The following HSD17B12 variants were observed in gnomAD, a reference collection of about 807,000 sequenced individuals.
HSD17B12 encodes the protein very-long-chain 3-oxoacyl-CoA reductase.
HSD17B12 carries 32 observed loss-of-function variants against 39.3 expected under a neutral mutation model. The ratio of observed to expected loss-of-function variants is 0.81; its 90% CI spans 0.61 to 1.09. HSD17B12 has a LOEUF of 1.09. Among genes scored for constraint, HSD17B12 ranks in the 50% least tolerant of loss-of-function variants. The pLI is 0.00. For synonymous variants in HSD17B12, 150 were observed against 146.7 expected, an observed-to-expected ratio of 1.02 and a Z score of -0.16; for missense variants, 342 against 382.9, an observed-to-expected ratio of 0.89 and a Z score of 0.89.
rs546550462 is a variant in HSD17B12, at chr11:43,725,849, C to T, written c.161-25062C>T. Among the ~76,000 whole-genome samples the T allele has an allele frequency of 2.6e-5, 4 of 152,130 alleles. No individual in the cohort carries two copies. In the South Asian group the frequency reaches 8.3e-4, roughly 32 times the overall value. On this transcript the variant is annotated intron_variant, in intron 1 of 10. Coordinates refer to ENST00000278353, the MANE Select transcript of HSD17B12 (RefSeq NM_016142.3). ...AATGAGGCTAGGTGAGAGAAAGACACAACAGAGGAACAGATATGAGAAAAA... is the reference window on the plus strand; with the variant it reads ...AATGAGGCTAGGTGAGAGAAAGACATAACAGAGGAACAGATATGAGAAAAA...
intron 3 of HSD17B12, among the ~76,000 whole-genome samples, chr11:43,775,996 T>A (rs1463693008): frequency 6.6e-6 from 1 of 152,190 alleles, no homozygotes; most frequent in African/African-American, 2.4e-5. Context: ...ATTTTCTTAA[T>A]CCAGTCTATC....
intron 9 of HSD17B12, among the ~76,000 whole-genome samples, chr11:43,841,301 A>T (rs1216687140): frequency 6.6e-6 from 1 of 152,156 alleles, no homozygotes; most frequent in African/African-American, 2.4e-5. Context: ...TAGATACATG[A>T]TTTGCAAAGA....
At chr11:43,758,295 T>C (rs1950528917) in intron 3 of HSD17B12, among the ~76,000 whole-genome samples, 1 of 152,078 alleles carries the variant, frequency 6.6e-6, no homozygotes, top group African/African-American at 2.4e-5. Flanking sequence ...GTGGTGGGGT[T>C]ATTAGAGGAT....
At chr11:43,847,256 A>C (rs1951485290) in intron 9 of HSD17B12, among the ~76,000 whole-genome samples, 1 of 152,198 alleles carries the variant, frequency 6.6e-6, no homozygotes, top group South Asian at 2.1e-4. Context: ...CCATCCCCTG[A>C]GGTTTTCTTT....
At chr11:43,625,886 G>T in the HSD17B12 span, among the ~76,000 whole-genome samples, 2 of 151,356 alleles carry the variant, frequency 1.3e-5, no homozygotes, top group African/African-American at 4.8e-5. Context: ...ATTTTAATAT[G>T]AAGTATTTTT....
At chr11:43,697,262 A>C (rs1052025667) in intron 1 of HSD17B12, among the ~76,000 whole-genome samples, 1 of 152,156 alleles carries the variant, frequency 6.6e-6, no homozygotes, top group African/African-American at 2.4e-5. Flanking sequence ...AGATCCAAAA[A>C]GTGTTACAGG....
the HSD17B12 span, among the ~76,000 whole-genome samples, chr11:43,580,072 G>GT: frequency 4.0e-5 from 6 of 151,704 alleles, no homozygotes; most frequent in Non-Finnish European, 8.8e-5. Context: ...CTAATGGGGG[G>GT]GGGGAGGGGC....
At chr11:43,752,254 G>T (rs964282889) in intron 2 of HSD17B12, among the ~76,000 whole-genome samples, 14 of 152,140 alleles carry the variant, frequency 9.2e-5, no homozygotes, top group Non-Finnish European at 1.8e-4. Context: ...GGCAAAAGAA[G>T]TCTCATTTTT....
At chr11:43,587,533 C>T in the HSD17B12 span, among the ~76,000 whole-genome samples, 2 of 152,000 alleles carry the variant, frequency 1.3e-5, no homozygotes, top group African/African-American at 4.8e-5. Context: ...TGATTTTGGT[C>T]CTCCATTTTT....
At chr11:43,616,169 A>T in the HSD17B12 span, among the ~76,000 whole-genome samples, 1 of 152,186 alleles carries the variant, frequency 6.6e-6, no homozygotes, top group Non-Finnish European at 1.5e-5. Flanking sequence ...GCATTTTGGG[A>T]TGCCAAGGCA....
chr11:43,590,342 A>T, the HSD17B12 span, among the ~76,000 whole-genome samples: 2 of 150,228 alleles, frequency 1.3e-5, no homozygotes. Context: ...ATGACATTGC[A>T]CCTTAAAATT....
chr11:43,840,523 A>G (rs997890464), intron 9 of HSD17B12, among the ~76,000 whole-genome samples: 3 of 152,086 alleles, frequency 2.0e-5, no homozygotes, highest in African/African-American at 4.8e-5. Context: ...CTCTGTACCC[A>G]TCAAACATGA....
chr11:43,575,613 C>T, the HSD17B12 span, among the ~76,000 whole-genome samples: 7 of 152,208 alleles, frequency 4.6e-5, no homozygotes, highest in Admixed American at 3.3e-4. The surrounding 1 kb of genome is among the most constrained non-coding windows in gnomAD (Gnocchi z 4.1). Context: ...TGGGGTGGCG[C>T]CCGCCTCGGC....
At chr11:43,635,702 A>G in the HSD17B12 span, among the ~76,000 whole-genome samples, 1 of 152,240 alleles carries the variant, frequency 6.6e-6, no homozygotes, top group Admixed American at 6.5e-5. Flanking sequence ...AAGTCTGAAG[A>G]GGATGAGACA....
the HSD17B12 span, chr11:43,569,166 T>G: frequency 1.3e-5 from 2 of 151,772 alleles, no homozygotes; most frequent in Admixed American, 6.6e-5. Context: ...CCAATTTCAC[T>G]GCCAGTGTGT....
chr11:43,742,668 C>T (rs2134919239), intron 1 of HSD17B12, among the ~76,000 whole-genome samples: 1 of 152,176 alleles, frequency 6.6e-6, no homozygotes, highest in South Asian at 2.1e-4. Context: ...CATTGCCTGA[C>T]CACTGTGTAT....
chr11:43,662,953 C>A, the HSD17B12 span, among the ~76,000 whole-genome samples: 4 of 152,272 alleles, frequency 2.6e-5, no homozygotes, highest in South Asian at 8.3e-4. Context: ...TAGATTAATT[C>A]AGAGATAGGA....
chr11:43,737,124 G>A (rs1950324089), intron 1 of HSD17B12, among the ~76,000 whole-genome samples: 1 of 152,180 alleles, frequency 6.6e-6, no homozygotes, highest in Non-Finnish European at 1.5e-5. Context: ...AGAGTCACAA[G>A]AAGGAACCTG....
chr11:43,655,575 G>A, the HSD17B12 span, among the ~76,000 whole-genome samples: 7 of 152,180 alleles, frequency 4.6e-5, no homozygotes, highest in East Asian at 1.9e-4. Context: ...TTTGAGATAC[G>A]TCCCATCAAT....
Sources: allele counts gnomAD v4.1 joint callset (sites outside exome capture counted in the v4.1 genomes callset), GRCh38; gene constraint gnomAD v4.1.1; non-coding constraint Gnocchi (gnomAD v3.1); transcripts MANE v1.5; gene names NCBI Gene and HGNC (gene_info 2026-07-23, HGNC 2026-07-21).